Variants in SOS2 observed in about 807,000 individuals in gnomAD.
SOS2 encodes the protein son of sevenless homolog 2.
A neutral mutation model predicts 148.2 loss-of-function variants in SOS2; 65 were observed. The observed-to-expected ratio is 0.44, with a 90% CI of 0.36 to 0.54. SOS2 has a LOEUF of 0.54. SOS2 is among the 20% of genes least tolerant of loss of function. The probability of loss-of-function intolerance (pLI) is 0.00; values close to 1 mark genes in which losing one functional copy is unlikely to be tolerated. For synonymous variants in SOS2, 539 were observed against 537.1 expected (o/e 1.00, Z -0.05); for missense variants, 1,341 against 1,590.2 (o/e 0.84, Z 2.67).
intron 19 of SOS2, among the ~76,000 whole-genome samples, chr14:50,133,242 C>CTTTTTTTTT (rs753590435): frequency 0.014 from 1,103 of 78,728 alleles, 47 homozygotes; most frequent in East Asian, 0.039. Flanking sequence ...TTTCTTTTTT[C>CTTTTTTTTT]TTTTTTCTTT....
chr14:50,128,360 A>G (rs1159231376), intron 21 of SOS2, among the ~76,000 whole-genome samples: 1 of 152,236 alleles, frequency 6.6e-6, no homozygotes, highest in Non-Finnish European at 1.5e-5. Flanking sequence ...AGGTTCCCTG[A>G]TTTGCCTGAC....
intron 5 of SOS2, among the ~76,000 whole-genome samples, chr14:50,183,925 C>T (rs1049701593): frequency 7.2e-5 from 11 of 152,188 alleles, no homozygotes; most frequent in African/African-American, 2.7e-4. Context: ...GCAAATATCA[C>T]GGCTAGATGA....
chr14:50,130,294 T>C lies in SOS2; in HGVS notation c.3337+207A>G, dbSNP rs1955930. 0.6 allele frequency among the ~76,000 whole-genome samples: 91,769 copies of C among 151,998 alleles called. 28,350 individuals carry two copies. The highest frequency in any genetic ancestry group is 0.68 in the Non-Finnish European group (46,277 of 67,970). ...CCAAAAGGTACTAAACAAATCTTTGTTGAATGAGTAAATTAGAAGATAATA... is the reference window on the plus strand; with the variant it reads ...CCAAAAGGTACTAAACAAATCTTTGCTGAATGAGTAAATTAGAAGATAATA... On this transcript the variant is annotated intron_variant, in intron 20 of 22. Transcript: ENST00000216373.
intron 5 of SOS2, among the ~76,000 whole-genome samples, chr14:50,185,088 C>T (rs533130658): frequency 2.0e-5 from 3 of 152,156 alleles, no homozygotes; most frequent in African/African-American, 7.2e-5. Context: ...ACGTGTTTCC[C>T]TGATTTCTGT....
chr14:50,173,781 T>C (rs999876253), intron 8 of SOS2, among the ~76,000 whole-genome samples: 9 of 152,156 alleles, frequency 5.9e-5, no homozygotes, highest in African/African-American at 2.2e-4. Context: ...CCATGGATAC[T>C]AGTGGATCCA....
intron 1 of SOS2, among the ~76,000 whole-genome samples, chr14:50,208,746 T>C (rs1886760721): frequency 6.6e-6 from 1 of 152,248 alleles, no homozygotes; most frequent in Non-Finnish European, 1.5e-5. Flanking sequence ...AGGAAAAGGA[T>C]ATTTTCTATT....
chr14:50,130,850 A>G (rs1427986531), intron 19 of SOS2, 88 bp from the exon 20 acceptor site: 2 of 1,168,418 alleles, frequency 1.7e-6, no homozygotes, highest in African/African-American at 3.1e-5. Flanking sequence ...TAGTCTTATT[A>G]GTTCTTAAGC....
At chr14:50,174,397 T>C in intron 8 of SOS2, 57 bp downstream of exon 8, 1 of 891,040 alleles carries the variant, frequency 1.1e-6, no homozygotes, top group Non-Finnish European at 1.7e-6. Flanking sequence ...AAATTAATTT[T>C]AAAAAGTAAA....
At chr14:50,184,401 C>G (rs1031117525) in intron 5 of SOS2, among the ~76,000 whole-genome samples, 1 of 151,998 alleles carries the variant, frequency 6.6e-6, no homozygotes, top group African/African-American at 2.4e-5. Context: ...TCTTAGAGCC[C>G]CTAAAACGCT....
chr14:50,225,241 T>A (rs1481652141), intron 1 of SOS2, among the ~76,000 whole-genome samples: 1 of 152,154 alleles, frequency 6.6e-6, no homozygotes. Flanking sequence ...AGGCATGAGC[T>A]ACTGCACCTG....
chr14:50,161,554 A>G lies in SOS2; in HGVS notation c.1124T>C (p.Ile375Thr). The change falls in exon 9 of 23, where the codon ATT becomes ACT. Residue 375 changes from isoleucine (I) to threonine (T), a missense_variant. By Grantham distance (89) the Ile-to-Thr change is moderately conservative. Around this residue, in one of 4 missense-constraint regions of SOS2, gnomAD observed 574 missense variants for 711.1 expected, o/e 0.81. Transcript: ENST00000216373. ...ACCTTGGAGATTCATGAGAGCAGTA[A>G]TAGCTTGGTTCAAACATTCTCTGTC... is the stretch of plus-strand genomic sequence containing the variant. Reference protein sequence around the residue: ...QEDRECLNQAITALMNLQGSM... With the variant: ...QEDRECLNQATTALMNLQGSM... 6.2e-7 allele frequency: 1 copy of G among 1,612,548 alleles called. No homozygotes were observed. Among genetic ancestry groups the G allele is most frequent in the Non-Finnish European group, 8.5e-7 (1 of 1,178,668 alleles).
chr14:50,223,928 G>C (rs1483485978), intron 1 of SOS2, among the ~76,000 whole-genome samples: 1 of 152,114 alleles, frequency 6.6e-6, no homozygotes, highest in Non-Finnish European at 1.5e-5. Flanking sequence ...ATCAGATTTA[G>C]ATTATACGTG....
At chr14:50,132,188 A>T (rs1883896258) in intron 19 of SOS2, among the ~76,000 whole-genome samples, 1 of 152,056 alleles carries the variant, frequency 6.6e-6, no homozygotes, top group African/African-American at 2.4e-5. Flanking sequence ...AAGAGGTGGA[A>T]GTGTGGTCCA....
At position 50,185,010 on chromosome 14, in the gene SOS2, C is replaced by A. The variant is rs73289627; in HGVS notation, c.715-2404G>T. Among the ~76,000 whole-genome samples, 740 of 152,258 alleles carry A rather than the reference C, an allele frequency of 4.9e-3. 7 individuals are homozygous for A. The highest frequency in any genetic ancestry group is 0.017 in the African/African-American group (702 of 41,544). On this transcript the variant is annotated intron_variant, in intron 5 of 22. Transcript: ENST00000216373. ...CCAGAGAGGGCTTGGAAACTCTGTGCCCCTATACTTTGCCCTGTCCATCTC... is the reference window on the plus strand; with the variant it reads ...CCAGAGAGGGCTTGGAAACTCTGTGACCCTATACTTTGCCCTGTCCATCTC...
At position 50,199,962 on chromosome 14, in the gene SOS2, C is replaced by A. The variant is rs1886433576; in HGVS notation, c.346-107G>T. On this transcript the variant is annotated intron_variant, in intron 3 of 22. Coordinates refer to ENST00000216373, the MANE Select transcript of SOS2 (RefSeq NM_006939.4). ...TTGCTTATAAAAAATTTTCTATTAACTACATGTCTAAATGTATGGGTACCA... is the reference window on the plus strand; with the variant it reads ...TTGCTTATAAAAAATTTTCTATTAAATACATGTCTAAATGTATGGGTACCA... 14 of 662,906 alleles carry A rather than the reference C, an allele frequency of 2.1e-5. No individual in the cohort carries two copies. The South Asian group carries it at 2.8e-4, about 13-fold the overall frequency. The allele number at this position is 662,906 out of a possible 1,614,324, so 41.1% of individuals were successfully genotyped here. A position where few individuals can be genotyped will look rare whatever the true frequency, so the allele number is the denominator to read the frequency against.
intron 21 of SOS2, among the ~76,000 whole-genome samples, chr14:50,127,018 T>A (rs1883700557): frequency 2.0e-5 from 3 of 152,166 alleles, no homozygotes; most frequent in Non-Finnish European, 2.9e-5. Context: ...CAGAGCCTGC[T>A]GCTTCCCAGT....
intron 1 of SOS2, among the ~76,000 whole-genome samples, chr14:50,219,800 T>G (rs1033703916): frequency 6.6e-6 from 1 of 152,178 alleles, no homozygotes; most frequent in Non-Finnish European, 1.5e-5. Flanking sequence ...AAACCACAGC[T>G]GCATACTCTA....
At chr14:50,181,896 T>C (rs879626724) in intron 6 of SOS2, among the ~76,000 whole-genome samples, 1 of 151,388 alleles carries the variant, frequency 6.6e-6, no homozygotes, top group Non-Finnish European at 1.5e-5. Flanking sequence ...TAAAATAATA[T>C]AAAGCTTCTT....
At chr14:50,212,207 G>A (rs1886894914) in intron 1 of SOS2, among the ~76,000 whole-genome samples, 1 of 152,280 alleles carries the variant, frequency 6.6e-6, no homozygotes. Context: ...CAGGCGCGGT[G>A]GCTCGCGCCT....
Sources: allele counts gnomAD v4.1 joint callset (sites outside exome capture counted in the v4.1 genomes callset), GRCh38; gene constraint gnomAD v4.1.1; regional missense constraint gnomAD v4.1.1; transcripts MANE v1.5; gene names NCBI Gene and HGNC (gene_info 2026-07-23, HGNC 2026-07-21).